Variants in ARHGAP23 observed in about 807,000 individuals in gnomAD.
ARHGAP23 encodes the protein rho GTPase-activating protein 23.
A neutral mutation model predicts 136.3 loss-of-function variants in ARHGAP23; 34 were observed. That is an observed-to-expected ratio of 0.25 (90% CI 0.19 to 0.33). The LOEUF is 0.33. ARHGAP23 is among the 10% of genes least tolerant of loss of function. ARHGAP23 has a pLI of 1.00. For synonymous variants in ARHGAP23, 832 were observed against 920.5 expected, an observed-to-expected ratio of 0.90 and a Z score of 1.74; for missense variants, 1,808 against 2,139.0, an observed-to-expected ratio of 0.85 and a Z score of 3.05.
At chr17:38,503,437 G>C (rs183120902) in intron 23 of ARHGAP23, among the ~76,000 whole-genome samples, 3 of 152,368 alleles carry the variant, frequency 2.0e-5, no homozygotes, top group Admixed American at 1.3e-4. Context: ...GCAGGCCGAG[G>C]CCTCTGAAGG....
At position 38,498,529 on chromosome 17, in the gene ARHGAP23, G is replaced by C; in HGVS notation, c.3415+19G>C. ...GGGTCAGGTGAGCGCAGGGGCCTGG[G>C]AGTGGGGAGGCGGGAGGTTGGACAC... On this transcript the variant is annotated intron_variant, in intron 22 of 23. Transcript: ENST00000622683. The C allele has an allele frequency of 6.6e-7, 1 of 1,521,064 alleles. No homozygotes were observed. Among genetic ancestry groups the C allele is most frequent in the South Asian group, 1.2e-5 (1 of 81,312 alleles). The allele number at this position is 1,521,064 out of a possible 1,614,324, so 94.2% of individuals were successfully genotyped here. A position where few individuals can be genotyped will look rare whatever the true frequency, so the allele number is the denominator to read the frequency against.
In ARHGAP23 at chr17:38,510,528, C is replaced by A. The variant is rs1209597889; in HGVS notation, c.4032C>A (p.Pro1344=). The A allele has an allele frequency of 1.7e-6, 2 of 1,150,206 alleles. No individual in the cohort carries two copies. The highest frequency in any genetic ancestry group is 9.7e-5 in the Admixed American group (2 of 20,672). 71.3% of individuals were successfully genotyped at this position (1,150,206 alleles called of 1,614,324 possible). Residue 1344 remains proline, a synonymous_variant, in exon 24 of 24, where the codon CCC becomes CCA. Coordinates refer to ENST00000622683, the MANE Select transcript of ARHGAP23 (RefSeq NM_001199417.2). This position sits in a 1 kb window ranked among gnomAD's most constrained non-coding sequence, Gnocchi z 4.6. ...GRGGPRAPEP[P]GSASSSSQES... ...GCGGTCCCCGCGCCCCGGAGCCGCCCGGCTCGGCGTCGTCCAGCAGCCAGG... is the reference window on the plus strand; with the variant it reads ...GCGGTCCCCGCGCCCCGGAGCCGCCAGGCTCGGCGTCGTCCAGCAGCCAGG...
chr17:38,469,955 G>C, intron 10 of ARHGAP23, 51 bp downstream of exon 10: 3 of 1,544,584 alleles, frequency 1.9e-6, no homozygotes, highest in Non-Finnish European at 2.6e-6. Flanking sequence ...TGTGGGGAGA[G>C]AGGGTGTCAG....
At chr17:38,491,168 C>T (rs2040270831) in intron 19 of ARHGAP23, among the ~76,000 whole-genome samples, 1 of 152,220 alleles carries the variant, frequency 6.6e-6, no homozygotes, top group African/African-American at 2.4e-5. Flanking sequence ...CCACTCAGGG[C>T]TGCCTTGTAT....
upstream of ARHGAP23, among the ~76,000 whole-genome samples, chr17:38,428,178 C>T (rs992012085): frequency 5.3e-5 from 8 of 152,198 alleles, no homozygotes; most frequent in African/African-American, 1.9e-4. Context: ...CTGGGCCGGT[C>T]CCTTAGAGGC....
chr17:38,504,266 A>G (rs2040581058), intron 23 of ARHGAP23, among the ~76,000 whole-genome samples: 2 of 152,212 alleles, frequency 1.3e-5, no homozygotes, highest in African/African-American at 4.8e-5. Flanking sequence ...CGGTCTATTA[A>G]GTACAGCGAT....
chr17:38,511,064 C>A lies in ARHGAP23; in HGVS notation c.*92C>A. 7.9e-7 allele frequency: 1 copy of A among 1,271,576 alleles called. No homozygotes were observed. Among genetic ancestry groups the A allele is most frequent in the Non-Finnish European group, 1.0e-6 (1 of 983,420 alleles). 78.8% of individuals were successfully genotyped at this position (1,271,576 alleles called of 1,614,324 possible). ...CCAGCCTGCACCTCCTCTTCTGTGG[C>A]CCCTGGGTGCATGGTGTGGGTGGAG... On this transcript the variant is annotated 3_prime_UTR_variant, in exon 24 of 24. Transcript: ENST00000622683.
intron 1 of ARHGAP23, among the ~76,000 whole-genome samples, chr17:38,446,552 G>T (rs1276496660): frequency 1.3e-5 from 2 of 150,516 alleles, no homozygotes; most frequent in East Asian, 3.9e-4. Flanking sequence ...GCTTTCAGTT[G>T]TTGTGGATAT....
intron 20 of ARHGAP23, among the ~76,000 whole-genome samples, chr17:38,497,583 C>G (rs374504683): frequency 2.0e-5 from 3 of 152,232 alleles, no homozygotes; most frequent in South Asian, 2.1e-4. Context: ...TTTTCTCTCC[C>G]CCAGGGTTTT....
rs764381799 is a variant in ARHGAP23 at position 38,479,870 on chromosome 17, C to T, written c.2616C>T (p.Pro872=). The change falls in exon 14 of 24, where the codon CCC becomes CCT. Residue 872 remains proline, a synonymous_variant. Transcript: ENST00000622683. ...GTGGCCTCAGGACTCAGGACCTGCCCGCAGGGAGCAAGGGTAGGAAGGTGG... is the reference window on the plus strand; with the variant it reads ...GTGGCCTCAGGACTCAGGACCTGCCTGCAGGGAGCAAGGGTAGGAAGGTGG... ...AARGLRTQDL[P]AGSKDDSAAA... is the part of the protein sequence containing the mutation. The T allele has an allele frequency of 1.0e-4, 159 of 1,541,094 alleles. No individual in the cohort carries two copies. Among genetic ancestry groups the T allele is most frequent in the Non-Finnish European group, 1.2e-4 (139 of 1,143,288 alleles).
chr17:38,460,812 G>A, intron 2 of ARHGAP23, 93 bp from the exon 3 acceptor site: 1 of 1,535,310 alleles, frequency 6.5e-7, no homozygotes, highest in South Asian at 1.2e-5. Context: ...AGGGGTGGCG[G>A]GAACCTGAAG....
intron 20 of ARHGAP23, among the ~76,000 whole-genome samples, chr17:38,494,392 C>T (rs1444946319): frequency 2.0e-5 from 3 of 152,194 alleles, no homozygotes; most frequent in Non-Finnish European, 4.4e-5. Flanking sequence ...GACAGATCCC[C>T]GTGCTGGGAA....
intron 1 of ARHGAP23, 126 bp from the exon 2 acceptor site, chr17:38,457,976 C>T: frequency 8.3e-7 from 1 of 1,207,960 alleles, no homozygotes; most frequent in Non-Finnish European, 1.1e-6. Context: ...GGGAGGATGC[C>T]TGGCAACCCT....
Position 38,511,096 on chromosome 17 carries a change from G to A in ARHGAP23, c.*124G>A. ...GTGCATGGTGTGGGTGGAGGGCGCA[G>A]CAGGCAGTGTCTCTAGTTGGTGTGC... On this transcript the variant is annotated 3_prime_UTR_variant, in exon 24 of 24. Coordinates refer to ENST00000622683, the MANE Select transcript of ARHGAP23 (RefSeq NM_001199417.2). 9.6e-7 allele frequency: 1 copy of A among 1,044,494 alleles called. No homozygotes were observed. Among genetic ancestry groups the A allele is most frequent in the Non-Finnish European group, 1.3e-6 (1 of 779,108 alleles). The allele number at this position is 1,044,494 out of a possible 1,614,324, so 64.7% of individuals were successfully genotyped here.
chr17:38,456,845 C>T (rs1236223175), intron 1 of ARHGAP23, among the ~76,000 whole-genome samples: 3 of 152,196 alleles, frequency 2.0e-5, no homozygotes, highest in Non-Finnish European at 4.4e-5. Flanking sequence ...CCCTCTGCCA[C>T]ATCATCTTGG....
upstream of ARHGAP23, among the ~76,000 whole-genome samples, chr17:38,424,222 C>A (rs997864731): frequency 5.3e-5 from 8 of 152,050 alleles, no homozygotes; most frequent in Non-Finnish European, 1.0e-4. Flanking sequence ...TCCTCCAGTC[C>A]GCTCATCACG....
rs2039977059 is a variant in ARHGAP23, at chr17:38,479,430, C to T, written c.2437-6C>T. On this transcript the variant is annotated splice_polypyrimidine_tract_variant and splice_region_variant and intron_variant, in intron 12 of 23. Coordinates refer to ENST00000622683, the MANE Select transcript of ARHGAP23 (RefSeq NM_001199417.2). ...ACATGATCCGCTCTCTCCTCTCCTG[C>T]TTCAGGACCCCGGCTGTGCCAACCA... 6.5e-7 allele frequency: 1 copy of T among 1,542,314 alleles called. No individual in the cohort carries two copies. Among genetic ancestry groups the T allele is most frequent in the Non-Finnish European group, 8.8e-7 (1 of 1,140,176 alleles).
intron 12 of ARHGAP23, among the ~76,000 whole-genome samples, chr17:38,478,576 G>A (rs375312400): frequency 8.5e-5 from 13 of 152,142 alleles, no homozygotes; most frequent in African/African-American, 2.7e-4. Flanking sequence ...CACCATGCCC[G>A]GCTAATTTTT....
At chr17:38,462,799 G>A in intron 3 of ARHGAP23, 47 bp from the exon 4 acceptor site, 1 of 1,372,590 alleles carries the variant, frequency 7.3e-7, no homozygotes, top group Non-Finnish European at 9.8e-7. Flanking sequence ...GTGCATGGGT[G>A]TGACCTTCCC....
Sources: gnomAD v4.1 joint callset for allele counts (sites outside exome capture counted in the v4.1 genomes callset) on GRCh38, gnomAD v4.1.1 for gene constraint, Gnocchi (gnomAD v3.1) non-coding constraint, MANE v1.5 for transcripts, NCBI Gene and HGNC (gene_info 2026-07-23, HGNC 2026-07-21) for gene names.